The following ANKRD11 variants were observed in gnomAD, a reference collection of about 807,000 sequenced individuals.
ANKRD11 encodes the protein ankyrin repeat domain-containing protein 11.
A neutral mutation model predicts 195.7 loss-of-function variants in ANKRD11; 17 were observed. The observed-to-expected ratio is 0.09, with a 90% CI of 0.06 to 0.13. The LOEUF is 0.13. Ranked by LOEUF, ANKRD11 falls within the 10% of genes least tolerant of loss-of-function variation. The pLI is 1.00. For missense variants in ANKRD11, 3,735 were observed against 3,566.1 expected, an observed-to-expected ratio of 1.05 and a Z score of -1.21; for synonymous variants, 1,953 against 1,528.1, an observed-to-expected ratio of 1.28 and a Z score of -6.49.
At chr16:89,296,059 G>C (rs2035417406) in intron 4 of ANKRD11, among the ~76,000 whole-genome samples, 1 of 139,632 alleles carries the variant, frequency 7.2e-6, no homozygotes, top group African/African-American at 2.7e-5. Flanking sequence ...CGCAATCTCA[G>C]CTCACCGCAG....
At chr16:89,320,851 C>T (rs2037274377) in intron 2 of ANKRD11, among the ~76,000 whole-genome samples, 1 of 152,268 alleles carries the variant, frequency 6.6e-6, no homozygotes, top group Non-Finnish European at 1.5e-5. Context: ...ACTGCGAGAG[C>T]CCCTGCAGCC....
chr16:89,391,123 G>A (rs1420037206), intron 2 of ANKRD11, among the ~76,000 whole-genome samples: 2 of 151,910 alleles, frequency 1.3e-5, no homozygotes, highest in Admixed American at 6.6e-5. Flanking sequence ...AGCTACTCGG[G>A]AGGCTGAAGC....
intron 1 of ANKRD11, among the ~76,000 whole-genome samples, chr16:89,419,161 G>A (rs1190712274): frequency 6.6e-6 from 1 of 151,838 alleles, no homozygotes; most frequent in Non-Finnish European, 1.5e-5. Flanking sequence ...TTTTTAAAAA[G>A]CTGAATAAAG....
intron 11 of ANKRD11, among the ~76,000 whole-genome samples, chr16:89,274,271 G>A: frequency 6.6e-6 from 1 of 152,208 alleles, no homozygotes; most frequent in East Asian, 1.9e-4. Flanking sequence ...ACAGCAGATG[G>A]GCAGGACAGT....
rs375769022 is a variant in ANKRD11 at position 89,317,036 on chromosome 16, C to A, written c.-17G>T. ...CTTGGGCATCGTCCTGCTCCTCACC[C>A]GATCTTCATTTACACGGCCGGCGCT... On this transcript the variant is annotated 5_prime_UTR_variant, in exon 3 of 13. Coordinates refer to ENST00000301030, the MANE Select transcript of ANKRD11 (RefSeq NM_013275.6). The A allele has an allele frequency of 1.2e-6, 2 of 1,611,074 alleles. No homozygotes were observed. Among genetic ancestry groups the A allele is most frequent in the African/African-American group, 1.3e-5 (1 of 75,004 alleles).
rs556902964 is a variant in ANKRD11 at position 89,456,822 on chromosome 16, G to A, written c.-145+33423C>T. 7.9e-5 allele frequency among the ~76,000 whole-genome samples: 12 copies of A among 152,298 alleles called. No individual in the cohort carries two copies. In the South Asian group the frequency reaches 1.0e-3, roughly 13 times the overall value. On this transcript the variant is annotated intron_variant, in intron 1 of 12. Transcript: ENST00000301030. Reference sequence around the variant, plus strand: ...CTGAAGAGCTGCGGAGAAGTGGAGCGCTTCCTTCGGGGGGAACAGAAATAT... The same window carrying A: ...CTGAAGAGCTGCGGAGAAGTGGAGCACTTCCTTCGGGGGGAACAGAAATAT...
intron 1 of ANKRD11, among the ~76,000 whole-genome samples, chr16:89,432,994 T>A (rs1174084717): frequency 6.5e-4 from 94 of 145,626 alleles, no homozygotes; most frequent in Middle Eastern, 3.4e-3. Context: ...CTCTCTCCTC[T>A]CTCTCACACA....
chr16:89,471,948 C>A (rs574708538), intron 1 of ANKRD11, among the ~76,000 whole-genome samples: 1 of 152,238 alleles, frequency 6.6e-6, no homozygotes, highest in East Asian at 1.9e-4. Flanking sequence ...ACCCTCGAGG[C>A]ATGCAGCCCT....
chr16:89,397,599 G>C (rs992192069), intron 2 of ANKRD11, among the ~76,000 whole-genome samples: 1 of 152,216 alleles, frequency 6.6e-6, no homozygotes, highest in African/African-American at 2.4e-5. Context: ...CATGGCAAGG[G>C]GCCCACCTGC....
intron 2 of ANKRD11, among the ~76,000 whole-genome samples, chr16:89,329,673 T>C (rs2037943360): frequency 6.6e-6 from 1 of 152,202 alleles, no homozygotes; most frequent in African/African-American, 2.4e-5. Flanking sequence ...TTCATAAACC[T>C]TGTTTTGTGT....
At chr16:89,377,526 T>C (rs925296541) in intron 2 of ANKRD11, among the ~76,000 whole-genome samples, 1 of 151,950 alleles carries the variant, frequency 6.6e-6, no homozygotes, top group Non-Finnish European at 1.5e-5. Flanking sequence ...ATTTCAAAAC[T>C]CAAGAGCTAA....
At chr16:89,313,457 G>A (rs764829792) in intron 3 of ANKRD11, 167 of 1,289,052 alleles carry the variant, frequency 1.3e-4, no homozygotes, top group Non-Finnish European at 1.6e-4. Flanking sequence ...CTGCCACTGT[G>A]CTCACTGGTG....
chr16:89,366,695 C>T (rs562749131), intron 2 of ANKRD11, among the ~76,000 whole-genome samples: 4 of 152,126 alleles, frequency 2.6e-5, no homozygotes, highest in Non-Finnish European at 4.4e-5. Flanking sequence ...GACAGAGGTG[C>T]GGCACAGTCA....
intron 7 of ANKRD11, chr16:89,286,917 C>T (rs1309972612): frequency 1.3e-5 from 17 of 1,289,484 alleles, no homozygotes; most frequent in African/African-American, 3.0e-5. Context: ...TCTGTCATAA[C>T]GTTTACTATA....
intron 2 of ANKRD11, among the ~76,000 whole-genome samples, chr16:89,341,177 T>A (rs1414367818): frequency 6.6e-6 from 1 of 152,178 alleles, no homozygotes; most frequent in Non-Finnish European, 1.5e-5. Flanking sequence ...GCTCTGTTTC[T>A]AAGGTGAATG....
chr16:89,449,103 C>CAA (rs2043940439), intron 1 of ANKRD11, among the ~76,000 whole-genome samples: 1 of 150,656 alleles, frequency 6.6e-6, no homozygotes, highest in Non-Finnish European at 1.5e-5. Context: ...GTAATCCCAG[C>CAA]ATGTTGGGAG....
chr16:89,438,823 T>C (rs2043325442), intron 1 of ANKRD11, among the ~76,000 whole-genome samples: 1 of 151,986 alleles, frequency 6.6e-6, no homozygotes, highest in Non-Finnish European at 1.5e-5. Context: ...CAGAGCAACA[T>C]GTGAGACCGC....
intron 1 of ANKRD11, 111 bp downstream of exon 1, chr16:89,490,134 C>G (rs1420362847): frequency 6.7e-6 from 1 of 149,972 alleles, no homozygotes; most frequent in South Asian, 2.1e-4. Flanking sequence ...CAGGCCCGCC[C>G]GGAGGCCCGC....
rs770299241 is a variant in ANKRD11 at position 89,280,821 on chromosome 16, A to G, written c.5721T>C (p.Leu1907=). The change falls in exon 9 of 13, where the codon CTT becomes CTC. Residue 1907 remains leucine, a synonymous_variant. Coordinates refer to ENST00000301030, the MANE Select transcript of ANKRD11 (RefSeq NM_013275.6). ...ELLVPSLEGA[L]PPDLDTSEDQ... is the part of the protein sequence containing the mutation. The stretch of plus-strand genomic sequence containing the variant: ...CCTCGGAGGTGTCCAGGTCCGGGGG[A>G]AGGGCCCCTTCGAGGGAAGGAACCA... 1.9e-6 allele frequency: 3 copies of G among 1,601,616 alleles called. No homozygotes were observed. The highest frequency in any genetic ancestry group is 8.5e-7 in the Non-Finnish European group (1 of 1,170,734).
Sources: gnomAD v4.1 joint callset for allele counts (sites outside exome capture counted in the v4.1 genomes callset) on GRCh38, gnomAD v4.1.1 for gene constraint, MANE v1.5 for transcripts, NCBI Gene and HGNC (gene_info 2026-07-23, HGNC 2026-07-21) for gene names.